The following NCOA2 variants were observed in gnomAD, a reference collection of about 807,000 sequenced individuals.
The protein encoded by NCOA2 is nuclear receptor coactivator 2.
In NCOA2, 21 loss-of-function variants were observed where a neutral mutation model predicts 145.1. That is an observed-to-expected ratio of 0.14 (90% CI 0.10 to 0.21). The LOEUF is 0.21. Ranked by LOEUF, NCOA2 falls within the 10% of genes least tolerant of loss-of-function variation. The pLI is 1.00. For missense variants in NCOA2, 1,472 were observed against 1,837.6 expected, an observed-to-expected ratio of 0.80 and a Z score of 3.64; for synonymous variants, 619 against 637.5, an observed-to-expected ratio of 0.97 and a Z score of 0.44.
intron 4 of NCOA2, among the ~76,000 whole-genome samples, chr8:70,193,461 C>A (rs767636359): frequency 2.0e-5 from 3 of 152,176 alleles, no homozygotes; most frequent in Admixed American, 6.5e-5. Context: ...AAGGTATATA[C>A]TTCCATATTA....
chr8:70,292,687 A>G (rs898597193), intron 2 of NCOA2, among the ~76,000 whole-genome samples: 2 of 152,228 alleles, frequency 1.3e-5, no homozygotes, highest in Non-Finnish European at 2.9e-5. Flanking sequence ...TGTATTTCCT[A>G]TAGCACTTAG....
At chr8:70,192,680 GA>G (rs1269501122) in intron 4 of NCOA2, among the ~76,000 whole-genome samples, 2 of 152,204 alleles carry the variant, frequency 1.3e-5, no homozygotes, top group African/African-American at 4.8e-5. Context: ...TGGATGTGTT[GA>G]TCAATTAGCC....
At chr8:70,337,284 AAG>A (rs1267631497) in intron 1 of NCOA2, among the ~76,000 whole-genome samples, 6 of 151,996 alleles carry the variant, frequency 3.9e-5, no homozygotes, top group Non-Finnish European at 7.4e-5. Flanking sequence ...GCAAGAATGT[AAG>A]AAACTCCTGC....
Position 70,337,411 on chromosome 8 carries a change from A to T in NCOA2, c.-76-40611T>A, listed in dbSNP as rs150199415. On this transcript the variant is annotated intron_variant, in intron 1 of 22. Coordinates refer to ENST00000452400, the MANE Select transcript of NCOA2 (RefSeq NM_006540.4). ...CAAGAGAGACCTTTCTGAATAGGCA[A>T]CAGAGGACAGTGGTTAAGGTCAAAA... 9.2e-3 allele frequency among the ~76,000 whole-genome samples: 1,394 copies of T among 152,300 alleles called. 21 individuals carry two copies. Among genetic ancestry groups the T allele is most frequent in the Non-Finnish European group, 9.0e-3 (614 of 68,034 alleles).
intron 2 of NCOA2, among the ~76,000 whole-genome samples, chr8:70,263,728 C>CA (rs139137589): frequency 0.028 from 4,013 of 141,240 alleles, 72 homozygotes; most frequent in Non-Finnish European, 0.043. Context: ...GACTCCATCT[C>CA]AAAAAAAAAA....
At chr8:70,126,674 A>C in intron 19 of NCOA2, 139 bp downstream of exon 19, 8 of 741,024 alleles carry the variant, frequency 1.1e-5, no homozygotes, top group Non-Finnish European at 1.8e-5. Flanking sequence ...CTGTCCTCCC[A>C]GGTTTCCTAT....
At chr8:70,299,969 G>T (rs1827371544) in intron 1 of NCOA2, among the ~76,000 whole-genome samples, 1 of 152,206 alleles carries the variant, frequency 6.6e-6, no homozygotes, top group Non-Finnish European at 1.5e-5. Flanking sequence ...TTATCAATAT[G>T]TGAACAACAC....
At chr8:70,444,824 C>T in the NCOA2 span, among the ~76,000 whole-genome samples, 1 of 152,100 alleles carries the variant, frequency 6.6e-6, no homozygotes, top group Non-Finnish European at 1.5e-5. Flanking sequence ...ATTTTTAATT[C>T]TGAAGGGGCA....
intron 14 of NCOA2, among the ~76,000 whole-genome samples, 185 bp downstream of exon 14, chr8:70,140,999 T>C (rs72663931): frequency 6.6e-6 from 1 of 152,314 alleles, no homozygotes; most frequent in Non-Finnish European, 1.5e-5. Context: ...TTGGGTCTCT[T>C]ATATGACTGA....
chr8:70,283,630 A>T (rs1826038723), intron 2 of NCOA2, among the ~76,000 whole-genome samples: 1 of 152,220 alleles, frequency 6.6e-6, no homozygotes, highest in African/African-American at 2.4e-5. Context: ...GAGGTATTAA[A>T]AGTCTTTATG....
the NCOA2 span, among the ~76,000 whole-genome samples, chr8:70,455,909 T>A: frequency 2.3e-3 from 350 of 152,262 alleles, no homozygotes; most frequent in Admixed American, 4.3e-3. Context: ...TTCCAAGCAT[T>A]ACTGGATAGC....
intron 1 of NCOA2, among the ~76,000 whole-genome samples, chr8:70,371,909 C>T (rs763689472): frequency 3.3e-5 from 5 of 152,054 alleles, no homozygotes; most frequent in Non-Finnish European, 7.4e-5. Context: ...TAACAAAGTA[C>T]GTTCATCTGA....
At chr8:70,294,688 G>T (rs1231250301) in intron 2 of NCOA2, among the ~76,000 whole-genome samples, 1 of 152,034 alleles carries the variant, frequency 6.6e-6, no homozygotes, top group African/African-American at 2.4e-5. Flanking sequence ...TTGTACTAGG[G>T]GTATTTAGGC....
intron 4 of NCOA2, among the ~76,000 whole-genome samples, chr8:70,193,064 TAAAAAAAA>T (rs397892713): frequency 4.6e-5 from 4 of 86,574 alleles, no homozygotes; most frequent in Admixed American, 1.5e-4. Context: ...GAGACTCTAT[TAAAAAAAA>T]AAAAAAAAAA....
Position 70,129,000 on chromosome 8 carries a change from TAACA to T in NCOA2, c.3325-24_3325-21del, listed in dbSNP as rs1563492440. The T allele has an allele frequency of 3.8e-6, 6 of 1,570,324 alleles. No individual in the cohort carries two copies. In the South Asian group the frequency reaches 4.6e-5, roughly 12 times the overall value. On this transcript the variant is annotated intron_variant, in intron 16 of 22. Transcript: ENST00000452400. Reference sequence around the variant, plus strand: ...TTGGCTCTGGAGAGAAAGTCCCAAATAACAAACAAATAATTAAACCATAAAAACA... The same window carrying T: ...TTGGCTCTGGAGAGAAAGTCCCAAATAACAAATAATTAAACCATAAAAACA...
At chr8:70,299,991 A>G (rs1265530674) in intron 1 of NCOA2, among the ~76,000 whole-genome samples, 1 of 152,248 alleles carries the variant, frequency 6.6e-6, no homozygotes, top group Non-Finnish European at 1.5e-5. Context: ...GATGAACCTC[A>G]AAAACATTAT....
intron 1 of NCOA2, among the ~76,000 whole-genome samples, chr8:70,378,929 T>C (rs1811929442): frequency 6.6e-6 from 1 of 152,086 alleles, no homozygotes. Context: ...ACCATGATGA[T>C]GATTTCCACA....
At chr8:70,139,093 G>A (rs1001657114) in intron 14 of NCOA2, among the ~76,000 whole-genome samples, 3 of 152,208 alleles carry the variant, frequency 2.0e-5, no homozygotes, top group Non-Finnish European at 2.9e-5. Flanking sequence ...GCAGAAAGGA[G>A]GCCAAGACAA....
intron 1 of NCOA2, among the ~76,000 whole-genome samples, chr8:70,307,618 T>C (rs1251360440): frequency 3.3e-5 from 5 of 152,258 alleles, no homozygotes; most frequent in African/African-American, 1.2e-4. Context: ...TACATTCGTG[T>C]TAAAGATGAG....
Sources: allele counts gnomAD v4.1 joint callset (sites outside exome capture counted in the v4.1 genomes callset), GRCh38; gene constraint gnomAD v4.1.1; transcripts MANE v1.5; gene names NCBI Gene and HGNC (gene_info 2026-07-23, HGNC 2026-07-21).